The following DEPDC4 variants were observed in gnomAD, a reference collection of about 807,000 sequenced individuals.
DEPDC4 encodes the protein DEP domain-containing protein 4.
DEPDC4 carries 52 observed loss-of-function variants against 52.0 expected under a neutral mutation model. The ratio of observed to expected loss-of-function variants is 1.00; its 90% CI spans 0.80 to 1.26. The LOEUF (loss-of-function observed/expected upper bound fraction) is 1.26, where lower values mean the gene tolerates loss of function less well. Ranked by LOEUF, DEPDC4 falls within the 50% of genes most tolerant of loss-of-function variation. The pLI, the probability that DEPDC4 is intolerant of heterozygous loss-of-function variation, is 0.00. For missense variants in DEPDC4, 530 were observed against 546.9 expected, an observed-to-expected ratio of 0.97 and a Z score of 0.31; for synonymous variants, 201 against 196.8, an observed-to-expected ratio of 1.02 and a Z score of -0.18.
intron 9 of DEPDC4, among the ~76,000 whole-genome samples, chr12:100,234,954 C>T (rs1204941687): frequency 6.6e-6 from 1 of 152,000 alleles, no homozygotes; most frequent in Non-Finnish European, 1.5e-5. Flanking sequence ...TGCCTCAGAA[C>T]CTTCAAAAAC....
chr12:100,237,268 C>T (rs1043555642), downstream of DEPDC4, among the ~76,000 whole-genome samples: 13 of 149,846 alleles, frequency 8.7e-5, no homozygotes, highest in African/African-American at 3.0e-4. Context: ...AGTGCAGTGG[C>T]GTGATCTCGG....
chr12:100,267,155 G>GC (rs891527890), upstream of DEPDC4: 158 of 1,482,110 alleles, frequency 1.1e-4, 1 homozygote, highest in South Asian at 1.0e-3. Context: ...GTGACGTCAT[G>GC]CCCCCGGCCG....
At chr12:100,274,675 G>A in the DEPDC4 span, among the ~76,000 whole-genome samples, 21 of 152,196 alleles carry the variant, frequency 1.4e-4, no homozygotes, top group Non-Finnish European at 2.6e-4. Flanking sequence ...ACACTGGGAT[G>A]GCTGAGAGAA....
At chr12:100,248,834 C>G (rs1485020927) in intron 8 of DEPDC4, 66 bp downstream of exon 8, 2 of 672,310 alleles carry the variant, frequency 3.0e-6, no homozygotes, top group Non-Finnish European at 3.7e-6. Context: ...ATCTTTGATG[C>G]CTTCCCAACT....
chr12:100,235,968 T>A (rs1005142333), downstream of DEPDC4, among the ~76,000 whole-genome samples: 5 of 152,176 alleles, frequency 3.3e-5, no homozygotes, highest in Non-Finnish European at 7.3e-5. Flanking sequence ...CTCAGTTACT[T>A]CACATAGAAT....
chr12:100,252,495 A>G lies in DEPDC4; in HGVS notation c.1147T>C (p.Tyr383His), dbSNP rs2096212419. The G allele has an allele frequency of 6.2e-7, 1 of 1,609,512 alleles. No homozygotes were observed. The highest frequency in any genetic ancestry group is 8.5e-7 in the Non-Finnish European group (1 of 1,179,636). ...ATGTTCAGCAACAGCAATCTTAGAT[A>G]TAGTTGTGTTGCTTCAAGTGCTTCT... ...RAEALEATQL[Y>H]LRLLLLNIRE... Residue 383 changes from tyrosine (Y) to histidine (H), a missense_variant, in exon 6 of 10, where the codon TAT (tyrosine) becomes CAT (histidine). Tyr to His is a moderately conservative substitution (Grantham distance 83, BLOSUM62 2). Transcript: ENST00000550587.
rs1186818065 is a variant in DEPDC4, at chr12:100,257,302, TTC to T, written c.701-1078_701-1077del. The stretch of plus-strand genomic sequence containing the variant: ...CATGTTGGCCAGGCTGGTCTCAAAC[TTC>T]TGACCTCAAGTGATCCACCCGCCTT... On this transcript the variant is annotated intron_variant, in intron 3 of 9. Transcript: ENST00000550587. Among the ~76,000 whole-genome samples the T allele has an allele frequency of 2.0e-5, 3 of 152,188 alleles. No individual in the cohort carries two copies. The South Asian group carries it at 6.2e-4, about 32-fold the overall frequency.
chr12:100,259,724 T>C (rs2096247188), intron 3 of DEPDC4, among the ~76,000 whole-genome samples: 1 of 152,058 alleles, frequency 6.6e-6, no homozygotes, highest in Non-Finnish European at 1.5e-5. Context: ...TGCCTAAAAC[T>C]GAAAAATCAT....
chr12:100,233,260 T>C (rs1448707329), intron 9 of DEPDC4, among the ~76,000 whole-genome samples: 2 of 152,294 alleles, frequency 1.3e-5, no homozygotes, highest in East Asian at 1.9e-4. Context: ...CCTATATACA[T>C]ACATATATAT....
chr12:100,239,564 T>C (rs1329919907), downstream of DEPDC4, among the ~76,000 whole-genome samples: 1 of 152,174 alleles, frequency 6.6e-6, no homozygotes, highest in African/African-American at 2.4e-5. Flanking sequence ...ATTTTTATTT[T>C]TGTAGAGACA....
downstream of DEPDC4, chr12:100,237,946 G>T: frequency 6.2e-6 from 2 of 321,512 alleles, no homozygotes; most frequent in Non-Finnish European, 4.5e-6. Context: ...ACCATTCATA[G>T]TGATGACTAG....
chr12:100,257,633 C>G (rs1383701665), intron 3 of DEPDC4: 1 of 152,254 alleles, frequency 6.6e-6, no homozygotes, highest in African/African-American at 2.4e-5. Context: ...CCTTGGCCTC[C>G]CAAAGTGCTG....
At chr12:100,275,728 TA>T in the DEPDC4 span, among the ~76,000 whole-genome samples, 1 of 152,202 alleles carries the variant, frequency 6.6e-6, no homozygotes. Flanking sequence ...ATAGAAGTGG[TA>T]AAAGTGGGTA....
In DEPDC4 at chr12:100,263,779, A is replaced by C. The variant is rs2096262433; in HGVS notation, c.272T>G (p.Phe91Cys). The change falls in exon 2 of 10, where the codon TTC (phenylalanine) becomes TGC (cysteine). Residue 91 changes from phenylalanine to cysteine, a missense_variant. Coordinates refer to ENST00000550587, the MANE Select transcript of DEPDC4 (RefSeq NM_001364818.2). ...RHHLQTYKDC[F>C]TGSDAVDVVL... ...CACATCGACAGCATCAGAACCAGTGAAACAGTCTTTGTATGTCTGTAAATG... is the reference window on the plus strand; with the variant it reads ...CACATCGACAGCATCAGAACCAGTGCAACAGTCTTTGTATGTCTGTAAATG... The C allele has an allele frequency of 6.2e-7, 1 of 1,614,104 alleles. No individual in the cohort carries two copies. The highest frequency in any genetic ancestry group is 8.5e-7 in the Non-Finnish European group (1 of 1,180,040).
intron 7 of DEPDC4, among the ~76,000 whole-genome samples, chr12:100,249,483 T>C (rs1238230572): frequency 1.3e-5 from 2 of 152,218 alleles, no homozygotes; most frequent in Non-Finnish European, 2.9e-5. Context: ...ATCCCATCTC[T>C]AATAATAACA....
intron 3 of DEPDC4, among the ~76,000 whole-genome samples, chr12:100,259,077 A>ATAT (rs1555312790): frequency 1.5e-5 from 2 of 129,342 alleles, no homozygotes; most frequent in African/African-American, 6.4e-5. Context: ...TCTCAAAAAA[A>ATAT]AAAAATATAT....
Position 100,252,246 on chromosome 12 carries a change from T to G in DEPDC4, c.1304A>C (p.Lys435Thr). Residue 435 changes from lysine (K) to threonine (T), a missense_variant, in exon 7 of 10, where the codon AAA (lysine) becomes ACA (threonine). Lys to Thr is a moderately conservative substitution (Grantham distance 78). Transcript: ENST00000550587. ...TTCTGCCCGCACTTTTAATAATGAT[T>G]TGGCTTGCAAAACTGATTTGGCAAG... ...KTLAKSVLQA[K>T]SLLKVRAEQL... 7.3e-7 allele frequency: 1 copy of G among 1,367,604 alleles called. No homozygotes were observed. The highest frequency in any genetic ancestry group is 9.5e-7 in the Non-Finnish European group (1 of 1,056,066). 84.7% of individuals were successfully genotyped at this position (1,367,604 alleles called of 1,614,324 possible).
chr12:100,266,982 G>T lies in DEPDC4; in HGVS notation c.95C>A (p.Pro32Gln). Residue 32 changes from proline to glutamine, a missense_variant, in exon 1 of 10, where the codon CCA becomes CAA. Transcript: ENST00000550587. ...CCTGGAACTTGGCCCGTTCAGCCCT[G>T]GGCCCGGAAGCTCGTTCTGACTGAC... ...RLVSQNELPG[P>Q]GLNGPSSRNR... 1 of 1,614,094 alleles carries T rather than the reference G, an allele frequency of 6.2e-7. No homozygotes were observed. Among genetic ancestry groups the T allele is most frequent in the Non-Finnish European group, 8.5e-7 (1 of 1,179,990 alleles).
chr12:100,251,806 G>A (rs534757195), intron 7 of DEPDC4, among the ~76,000 whole-genome samples: 3 of 152,188 alleles, frequency 2.0e-5, no homozygotes, highest in Non-Finnish European at 4.4e-5. Context: ...GACCTCAGGT[G>A]AGTCCACCCA....
Sources: allele counts gnomAD v4.1 joint callset (sites outside exome capture counted in the v4.1 genomes callset), GRCh38; gene constraint gnomAD v4.1.1; transcripts MANE v1.5; gene names NCBI Gene and HGNC (gene_info 2026-07-23, HGNC 2026-07-21).